The following AMPD1 variants were observed in gnomAD, a reference collection of about 807,000 sequenced individuals.
AMPD1 encodes the protein adenosine monophosphate deaminase 1.
Under a neutral mutation model 82.9 loss-of-function variants are expected in AMPD1, and 74 were observed. The observed-to-expected ratio is 0.89, with a 90% CI of 0.74 to 1.08. The LOEUF is 1.08. Among genes scored for constraint, AMPD1 ranks in the 50% least tolerant of loss-of-function variants. The pLI is 0.00. For synonymous variants in AMPD1, 333 were observed against 320.5 expected (o/e 1.04, Z -0.42); for missense variants, 881 against 924.5 (o/e 0.95, Z 0.61).
Position 114,680,341 on chromosome 1 carries a change from G to T in AMPD1, c.685C>A (p.Pro229Thr). The change falls in exon 6 of 16, where the codon CCT (proline) becomes ACT (threonine). Residue 229 changes from proline (P) to threonine (T), a missense_variant. Physicochemically the swap from Pro to Thr is conservative, Grantham distance 38. This residue lies in a region of AMPD1 where 783 missense variants were observed against 786.4 expected (regional missense o/e 1.00). Transcript: ENST00000520113. ...AGATTTGGGTAAGGAAGTGGCTTAG[G>T]CTCATCTTTGCTGACTGCTGCTTCA... ...PNEAAVSKDE[P>T]KPLPYPNLDT... 1 of 1,614,148 alleles carries T rather than the reference G, an allele frequency of 6.2e-7. No homozygotes were observed. The highest frequency in any genetic ancestry group is 8.5e-7 in the Non-Finnish European group (1 of 1,180,024).
At chr1:114,676,170 A>G in intron 10 of AMPD1, 167 bp from the exon 11 acceptor site, 1 of 821,936 alleles carries the variant, frequency 1.2e-6, no homozygotes, top group East Asian at 2.8e-5. Context: ...ATAGAGAGGG[A>G]TTCAGTTTGG....
intron 3 of AMPD1, 28 bp downstream of exon 3, chr1:114,688,533 T>G (rs1415575209): frequency 6.2e-7 from 1 of 1,612,908 alleles, no homozygotes; most frequent in Non-Finnish European, 8.5e-7. Flanking sequence ...GGTGCCAATA[T>G]ACTAAGCACT....
intron 2 of AMPD1, among the ~76,000 whole-genome samples, chr1:114,691,397 A>G (rs543649506): frequency 1.1e-3 from 160 of 148,764 alleles, no homozygotes; most frequent in African/African-American, 4.0e-3. Flanking sequence ...CACCTCCACA[A>G]AATTTTTTTT....
intron 4 of AMPD1, among the ~76,000 whole-genome samples, chr1:114,686,040 C>T (rs1456425098): frequency 6.6e-6 from 1 of 152,104 alleles, no homozygotes; most frequent in Non-Finnish European, 1.5e-5. Flanking sequence ...GTCCATGTGG[C>T]AGAGATTTAT....
At position 114,678,371 on chromosome 1, in the gene AMPD1, G is replaced by A; in HGVS notation, c.1054C>T (p.Pro352Ser). 1 of 1,614,140 alleles carries A rather than the reference G, an allele frequency of 6.2e-7. No homozygotes were observed. Among genetic ancestry groups the A allele is most frequent in the Non-Finnish European group, 8.5e-7 (1 of 1,180,038 alleles). The change falls in exon 8 of 16, where the codon CCT (proline) becomes TCT (serine). Residue 352 changes from proline to serine, a missense_variant. Pro to Ser is a moderately conservative substitution (Grantham distance 74, BLOSUM62 -1). Around this residue, in one of 2 missense-constraint regions of AMPD1, gnomAD observed 783 missense variants for 786.4 expected, o/e 1.00. Transcript: ENST00000520113. ...KELFAKLKMH[P>S]YDLTVDSLDV... ...AGAGAATCAACAGTCAGGTCATAAG[G>A]ATGCATTTTTAATTTAGCAAAAAGT...
chr1:114,673,857 G>A (rs1657903154), intron 14 of AMPD1, 52 bp downstream of exon 14: 2 of 1,602,536 alleles, frequency 1.2e-6, no homozygotes, highest in South Asian at 2.2e-5. Flanking sequence ...ATTCTGGACG[G>A]GAAACAACAG....
chr1:114,680,361 G>A lies in AMPD1; in HGVS notation c.665C>T (p.Ala222Val), dbSNP rs369685849. The change falls in exon 6 of 16, where the codon GCA becomes GTA. Residue 222 changes from alanine (A) to valine (V), a missense_variant. Around this residue, in one of 2 missense-constraint regions of AMPD1, gnomAD observed 783 missense variants for 786.4 expected, o/e 1.00. Coordinates refer to ENST00000520113, the MANE Select transcript of AMPD1 (RefSeq NM_000036.3). ...CTTAGGCTCATCTTTGCTGACTGCT[G>A]CTTCATTAGGATAGACGTAAACTAC... The part of the protein sequence containing the change: ...DGVVYVYPNE[A>V]AVSKDEPKPL... 17 of 1,614,088 alleles carry A rather than the reference G, an allele frequency of 1.1e-5. No individual in the cohort carries two copies. The highest frequency in any genetic ancestry group is 3.3e-5 in the South Asian group (3 of 91,096).
At position 114,677,456 on chromosome 1, in the gene AMPD1, A is replaced by T; in HGVS notation, c.1283T>A (p.Ile428Asn). ...KYQHAEPRLSIYGRSPDEWSK... is the reference protein window; with the variant it reads ...KYQHAEPRLSNYGRSPDEWSK... ...CCACTCATCAGGACTGCGGCCATAG[A>T]TGGACAGGCGGGGCTCAGCATGCTG... Residue 428 changes from isoleucine to asparagine, a missense_variant, in exon 10 of 16, where the codon ATC (isoleucine) becomes AAC (asparagine). Ile to Asn is a moderately radical substitution (Grantham distance 149, BLOSUM62 -3). Around this residue, in one of 2 missense-constraint regions of AMPD1, gnomAD observed 783 missense variants for 786.4 expected, o/e 1.00. Coordinates refer to ENST00000520113, the MANE Select transcript of AMPD1 (RefSeq NM_000036.3). 2.5e-6 allele frequency: 4 copies of T among 1,613,040 alleles called. No homozygotes were observed. The highest frequency in any genetic ancestry group is 3.4e-6 in the Non-Finnish European group (4 of 1,179,832).
chr1:114,673,581 G>T, intron 15 of AMPD1, 58 bp downstream of exon 15: 2 of 1,362,658 alleles, frequency 1.5e-6, no homozygotes, highest in South Asian at 1.2e-5. Context: ...CTACTTTTTC[G>T]GTATTCAAGT....
intron 7 of AMPD1, among the ~76,000 whole-genome samples, chr1:114,679,337 G>A (rs1658086737): frequency 6.6e-6 from 1 of 152,070 alleles, no homozygotes; most frequent in African/African-American, 2.4e-5. Flanking sequence ...TGCTATTTTC[G>A]TTGTTGAGGA....
At chr1:114,677,658 T>A in intron 9 of AMPD1, 144 bp from the exon 10 acceptor site, 1 of 1,196,524 alleles carries the variant, frequency 8.4e-7, no homozygotes, top group Non-Finnish European at 1.2e-6. Context: ...ACACCCTTAA[T>A]TTCTCTACCT....
intron 5 of AMPD1, among the ~76,000 whole-genome samples, chr1:114,682,860 G>A (rs1307996503): frequency 6.6e-6 from 1 of 152,180 alleles, no homozygotes; most frequent in African/African-American, 2.4e-5. Context: ...TTATAGGCGT[G>A]AGCCACCGCG....
chr1:114,673,323 A>G (rs1657887010), intron 15 of AMPD1, 51 bp from the exon 16 acceptor site: 2 of 1,594,756 alleles, frequency 1.3e-6, no homozygotes, highest in Middle Eastern at 1.7e-4. Flanking sequence ...TCACCCTGGT[A>G]TAGACAATAA....
chr1:114,690,698 A>G (rs1398912111), intron 2 of AMPD1, among the ~76,000 whole-genome samples: 1 of 152,198 alleles, frequency 6.6e-6, no homozygotes, highest in Non-Finnish European at 1.5e-5. Context: ...CGATGGCCTG[A>G]TAATGCCTCC....
intron 7 of AMPD1, among the ~76,000 whole-genome samples, chr1:114,678,917 C>T (rs894820142): frequency 1.3e-5 from 2 of 152,178 alleles, no homozygotes; most frequent in African/African-American, 4.8e-5. Flanking sequence ...ACAGTGATGG[C>T]TTTTATGAGG....
chr1:114,695,342 A>T, intron 1 of AMPD1, 108 bp downstream of exon 1: 1 of 1,485,108 alleles, frequency 6.7e-7, no homozygotes, highest in Middle Eastern at 1.9e-4. Context: ...GCTATCACGA[A>T]CCCTAAATGA....
At position 114,685,041 on chromosome 1, in the gene AMPD1, G is replaced by C. The variant is rs140451851; in HGVS notation, c.382-677C>G. Among the ~76,000 whole-genome samples the C allele has an allele frequency of 1.1e-3, 165 of 152,302 alleles. 4 individuals are homozygous for C. In the East Asian group the frequency reaches 0.029, roughly 27 times the overall value. ...TGGTTGGGCCAGGCATGCCCAAGTAGTTATAACTTGAAATCACTGAATGTT... is the reference window on the plus strand; with the variant it reads ...TGGTTGGGCCAGGCATGCCCAAGTACTTATAACTTGAAATCACTGAATGTT... On this transcript the variant is annotated intron_variant, in intron 4 of 15. Transcript: ENST00000520113.
intron 1 of AMPD1, among the ~76,000 whole-genome samples, chr1:114,694,495 A>C (rs1254665032): frequency 6.6e-6 from 1 of 152,144 alleles, no homozygotes; most frequent in African/African-American, 2.4e-5. Context: ...AGAAAAAAAA[A>C]CACTAAAATG....
At chr1:114,684,531 T>G (rs566436814) in intron 4 of AMPD1, 167 bp from the exon 5 acceptor site, 7 of 708,638 alleles carry the variant, frequency 9.9e-6, no homozygotes, top group Non-Finnish European at 1.7e-5. Flanking sequence ...TGGATCTCCC[T>G]CCCAGAGCAG....
Sources: gnomAD v4.1 joint callset for allele counts (sites outside exome capture counted in the v4.1 genomes callset) on GRCh38, gnomAD v4.1.1 for gene constraint, gnomAD v4.1.1 regional missense constraint, MANE v1.5 for transcripts, NCBI Gene and HGNC (gene_info 2026-07-23, HGNC 2026-07-21) for gene names.